AREL1: variants seen among roughly 807,000 people sequenced by gnomAD.
AREL1 encodes the protein apoptosis resistant E3 ubiquitin protein ligase 1.
Under a neutral mutation model 99.0 loss-of-function variants are expected in AREL1, and 62 were observed. The observed-to-expected ratio is 0.63, with a 90% CI of 0.51 to 0.77. AREL1 has a LOEUF of 0.77. Among genes scored for constraint, AREL1 ranks in the 30% least tolerant of loss-of-function variants. The pLI, the probability that AREL1 is intolerant of heterozygous loss-of-function variation, is 0.00. For synonymous variants in AREL1, 380 were observed against 376.5 expected (o/e 1.01, Z -0.11); for missense variants, 879 against 1,027.6 (o/e 0.86, Z 1.98).
chr14:74,678,561 T>C (rs903645227), intron 5 of AREL1, among the ~76,000 whole-genome samples: 16 of 151,214 alleles, frequency 1.1e-4, no homozygotes, highest in East Asian at 1.9e-4. Context: ...GGAGGAGGGA[T>C]AGGTACACAG....
chr14:74,670,247 C>A (rs2139868779), intron 13 of AREL1, 121 bp from the exon 14 acceptor site: 1 of 1,027,884 alleles, frequency 9.7e-7, no homozygotes, highest in Non-Finnish European at 1.4e-6. Flanking sequence ...GATCAGAGCC[C>A]ATCCAAATGT....
chr14:74,711,428 A>G (rs1359544695), intron 1 of AREL1, among the ~76,000 whole-genome samples: 1 of 150,890 alleles, frequency 6.6e-6, no homozygotes, highest in Non-Finnish European at 1.5e-5. Context: ...CTGCAGTCCC[A>G]GCTACTCGGG....
intron 2 of AREL1, among the ~76,000 whole-genome samples, chr14:74,689,326 T>C (rs2089818708): frequency 6.6e-6 from 1 of 152,278 alleles, no homozygotes; most frequent in South Asian, 2.1e-4. Context: ...TTGTTATTCA[T>C]CCTATGATCT....
chr14:74,682,493 GATAA>G (rs1313303388), intron 5 of AREL1, among the ~76,000 whole-genome samples: 3 of 152,138 alleles, frequency 2.0e-5, no homozygotes, highest in East Asian at 3.8e-4. Flanking sequence ...CTGATGAAAG[GATAA>G]ATAAAATACG....
At chr14:74,705,358 G>A (rs756616564) in intron 1 of AREL1, among the ~76,000 whole-genome samples, 4 of 152,036 alleles carry the variant, frequency 2.6e-5, no homozygotes, top group Admixed American at 6.6e-5. Flanking sequence ...GTCTATTTCT[G>A]AATTTGGAAA....
At chr14:74,667,183 G>A (rs2089227575) in intron 17 of AREL1, 136 bp downstream of exon 17, 4 of 912,150 alleles carry the variant, frequency 4.4e-6, no homozygotes, top group South Asian at 1.6e-5. Context: ...ATGAATGGAG[G>A]AGCGACAAAA....
chr14:74,668,319 T>C (rs1566678816), intron 15 of AREL1, among the ~76,000 whole-genome samples: 1 of 152,094 alleles, frequency 6.6e-6, no homozygotes, highest in Non-Finnish European at 1.5e-5. Flanking sequence ...TTGTGTAGAG[T>C]GACCAAGGTT....
chr14:74,669,530 T>A, intron 15 of AREL1, 119 bp downstream of exon 15: 1 of 1,280,650 alleles, frequency 7.8e-7, no homozygotes, highest in Admixed American at 2.3e-5. Flanking sequence ...ACATTTTGGG[T>A]GTTTAATAGA....
chr14:74,679,729 G>A (rs2089585266), intron 5 of AREL1, among the ~76,000 whole-genome samples: 1 of 152,142 alleles, frequency 6.6e-6, no homozygotes, highest in Non-Finnish European at 1.5e-5. Context: ...TTGGGAGGCT[G>A]AGGCAGGAGA....
chr14:74,686,210 T>C (rs1315024033), intron 2 of AREL1, among the ~76,000 whole-genome samples: 3 of 152,306 alleles, frequency 2.0e-5, no homozygotes, highest in South Asian at 2.1e-4. Context: ...TGAAGTCATT[T>C]ATGCTGTTAC....
Position 74,685,650 on chromosome 14 carries a change from C to T in AREL1, c.-35G>A. On this transcript the variant is annotated 5_prime_UTR_variant, in exon 3 of 20. An upstream open reading frame in the 5' UTR loses its in-frame stop. Coordinates refer to ENST00000356357, the MANE Select transcript of AREL1 (RefSeq NM_001039479.2). ...TCAATGCCAACAGACAGCCGAGGAT[C>T]ACAGCTGCAGCTGTTAAAAGAAAAC... The T allele has an allele frequency of 6.2e-7, 1 of 1,614,030 alleles. No individual in the cohort carries two copies. The highest frequency in any genetic ancestry group is 8.5e-7 in the Non-Finnish European group (1 of 1,179,934).
At chr14:74,684,938 A>T (rs2089716370) in intron 3 of AREL1, among the ~76,000 whole-genome samples, 1 of 152,172 alleles carries the variant, frequency 6.6e-6, no homozygotes, top group South Asian at 2.1e-4. Flanking sequence ...ATACAGCCAC[A>T]CCCATCATTT....
At chr14:74,678,430 C>A in intron 5 of AREL1, 2 of 263,622 alleles carry the variant, frequency 7.6e-6, no homozygotes, top group Non-Finnish European at 1.5e-5. Context: ...CCCAGGAGGC[C>A]AAGGCTGCAG....
chr14:74,708,065 C>G lies in AREL1; in HGVS notation c.-334+4868G>C, dbSNP rs895016272. ...AATTAGTGGAGAAACTTGTGAAATC[C>G]AAATAAAGTCTATAGTTTAGTAATA... On this transcript the variant is annotated intron_variant, in intron 1 of 19. Transcript: ENST00000356357. Among the ~76,000 whole-genome samples the G allele has an allele frequency of 2.6e-5, 4 of 151,772 alleles. No homozygotes were observed. In the East Asian group the frequency reaches 5.8e-4, roughly 22 times the overall value.
chr14:74,669,568 C>G, intron 15 of AREL1, 81 bp downstream of exon 15: 1 of 1,509,610 alleles, frequency 6.6e-7, no homozygotes, highest in Non-Finnish European at 8.9e-7. Flanking sequence ...ATTTCCACCA[C>G]TGCAGAAAGT....
intron 6 of AREL1, 22 bp downstream of exon 6, chr14:74,676,561 A>T: frequency 6.2e-7 from 1 of 1,607,798 alleles, no homozygotes; most frequent in Non-Finnish European, 8.5e-7. Context: ...TAGCACACAG[A>T]TAAAGAAGGG....
At chr14:74,707,349 CA>C (rs2090197961) in intron 1 of AREL1, among the ~76,000 whole-genome samples, 1 of 149,658 alleles carries the variant, frequency 6.7e-6, no homozygotes, top group African/African-American at 2.5e-5. Context: ...GCCTGGGTGA[CA>C]AGAGCGAAAC....
chr14:74,709,235 A>C (rs1309143691), intron 1 of AREL1, among the ~76,000 whole-genome samples: 1 of 152,196 alleles, frequency 6.6e-6, no homozygotes, highest in Non-Finnish European at 1.5e-5. Context: ...CCAGGAGTTC[A>C]AGATCAGCCT....
In AREL1 at chr14:74,676,226, CAGGGT is replaced by C; in HGVS notation, c.742_746del (p.Thr248AlafsTer19). The C allele has an allele frequency of 6.2e-7, 1 of 1,614,112 alleles. No homozygotes were observed. Among genetic ancestry groups the C allele is most frequent in the Non-Finnish European group, 8.5e-7 (1 of 1,180,000 alleles). ...AAGCATGGAAGCAGCCTCGAGAATG[CAGGGT>C]GAGTCGCAAGAACACCTGGAAAGTC... is the stretch of plus-strand genomic sequence containing the variant. On this transcript the variant is annotated frameshift_variant, in exon 7 of 20. Coordinates refer to ENST00000356357, the MANE Select transcript of AREL1 (RefSeq NM_001039479.2). LOFTEE classifies it high-confidence loss of function.
Sources: gnomAD v4.1 joint callset for allele counts (sites outside exome capture counted in the v4.1 genomes callset) on GRCh38, gnomAD v4.1.1 for gene constraint, MANE v1.5 for transcripts, NCBI Gene and HGNC (gene_info 2026-07-23, HGNC 2026-07-21) for gene names.